Variants in PRDM5 observed in about 807,000 individuals in gnomAD.
The protein encoded by PRDM5 is PR domain zinc finger protein 5.
PRDM5 carries 56 observed loss-of-function variants against 81.2 expected under a neutral mutation model. The observed-to-expected ratio is 0.69, with a 90% CI of 0.56 to 0.86. The LOEUF is 0.86. Ranked by LOEUF, PRDM5 falls within the 40% of genes least tolerant of loss-of-function variation. PRDM5 has a pLI of 0.00. For missense variants in PRDM5, 697 were observed against 770.1 expected, an observed-to-expected ratio of 0.91 and a Z score of 1.12; for synonymous variants, 267 against 256.4, an observed-to-expected ratio of 1.04 and a Z score of -0.39.
intron 3 of PRDM5, among the ~76,000 whole-genome samples, chr4:120,832,436 G>T (rs996980723): frequency 1.3e-5 from 2 of 151,996 alleles, no homozygotes; most frequent in Admixed American, 6.6e-5. Flanking sequence ...GAGTTGGGTG[G>T]GAACACAGCC....
chr4:120,841,339 C>T lies in PRDM5; in HGVS notation c.300+12079G>A, dbSNP rs115821051. Among the ~76,000 whole-genome samples, 1,067 of 152,162 alleles carry T rather than the reference C, an allele frequency of 7.0e-3. 15 individuals carry two copies. The highest frequency in any genetic ancestry group is 0.024 in the African/African-American group (995 of 41,482). ...GAATGCAGAACTTCACATTTTACTT[C>T]GTATTGCTCAACAGTGGCTGAACCT... On this transcript the variant is annotated intron_variant, in intron 3 of 15. Transcript: ENST00000264808.
chr4:120,903,877 T>A lies in PRDM5; in HGVS notation c.177+3597A>T, dbSNP rs573336910. On this transcript the variant is annotated intron_variant, in intron 2 of 15. Transcript: ENST00000264808. ...TGATTGTGAGGCTGCCCCAGCCATA[T>A]GGAACTGTGAGACCATTAAACTTCC... 2.0e-5 allele frequency among the ~76,000 whole-genome samples: 3 copies of A among 152,240 alleles called. No homozygotes were observed. The South Asian group carries it at 6.2e-4, about 32-fold the overall frequency.
chr4:120,780,140 C>T (rs1202422190), intron 12 of PRDM5, among the ~76,000 whole-genome samples: 1 of 152,046 alleles, frequency 6.6e-6, no homozygotes, highest in Admixed American at 6.6e-5. Flanking sequence ...CAGAAAACTA[C>T]CATACTTCAT....
chr4:120,753,705 G>GAA lies in PRDM5; in HGVS notation c.1623+846_1623+847dup, dbSNP rs551796879. Among the ~76,000 whole-genome samples, 46 of 146,666 alleles carry GAA rather than the reference G, an allele frequency of 3.1e-4. No individual in the cohort carries two copies. In the East Asian group the frequency reaches 5.7e-3, roughly 18 times the overall value. On this transcript the variant is annotated intron_variant, in intron 14 of 15. Coordinates refer to ENST00000264808, the MANE Select transcript of PRDM5 (RefSeq NM_018699.4). ...GGATTAGATAAGTCTCTTAAAATTT[G>GAA]AAAAAAAAAATACATCATTTACATA...
At chr4:120,867,909 C>T (rs1035410979) in intron 2 of PRDM5, among the ~76,000 whole-genome samples, 1 of 152,158 alleles carries the variant, frequency 6.6e-6, no homozygotes, top group African/African-American at 2.4e-5. Flanking sequence ...CAAACTGGAC[C>T]CAACTTCACC....
At chr4:120,887,292 AG>A (rs55827337) in intron 2 of PRDM5, among the ~76,000 whole-genome samples, 20,436 of 151,978 alleles carry the variant, frequency 0.13, 1,463 homozygotes, top group South Asian at 0.2. Flanking sequence ...CATCAGTGTT[AG>A]TTACCTTCAA....
intron 3 of PRDM5, among the ~76,000 whole-genome samples, chr4:120,832,989 T>C (rs1756904231): frequency 6.6e-6 from 1 of 152,114 alleles, no homozygotes; most frequent in Non-Finnish European, 1.5e-5. Flanking sequence ...TTTACTACAG[T>C]ATATAATGTG....
rs114334834 is a variant in PRDM5, at chr4:120,827,244, C to A, written c.301-5899G>T. On this transcript the variant is annotated intron_variant, in intron 3 of 15. Coordinates refer to ENST00000264808, the MANE Select transcript of PRDM5 (RefSeq NM_018699.4). Reference sequence around the variant, plus strand: ...ATCAGACTGGTCATTTTGGTAACATCATATAATATGGAATTCAGATTTGCT... The same window carrying A: ...ATCAGACTGGTCATTTTGGTAACATAATATAATATGGAATTCAGATTTGCT... 3.1e-3 allele frequency among the ~76,000 whole-genome samples: 472 copies of A among 152,238 alleles called. 3 individuals carry two copies. Among genetic ancestry groups the A allele is most frequent in the African/African-American group, 0.011 (465 of 41,542 alleles).
intron 1 of PRDM5, among the ~76,000 whole-genome samples, chr4:120,909,738 T>C (rs1292468078): frequency 6.6e-6 from 1 of 152,100 alleles, no homozygotes; most frequent in Non-Finnish European, 1.5e-5. Flanking sequence ...GGAAGCCTGC[T>C]TGGATGCAGG....
chr4:120,761,475 T>C (rs778359735), intron 13 of PRDM5, among the ~76,000 whole-genome samples: 3 of 152,220 alleles, frequency 2.0e-5, no homozygotes, highest in Non-Finnish European at 4.4e-5. Flanking sequence ...ATGTTCCATA[T>C]AGATGGAATA....
In PRDM5 at chr4:120,699,204, A is replaced by T. The variant is rs113518768; in HGVS notation, c.1729-3929T>A. Among the ~76,000 whole-genome samples the T allele has an allele frequency of 7.6e-3, 581 of 76,858 alleles. 11 individuals carry two copies. The highest frequency in any genetic ancestry group is 0.046 in the East Asian group (31 of 676). The allele number at this position is 76,858 out of a possible 152,430, so 50.4% of individuals were successfully genotyped here. On this transcript the variant is annotated intron_variant, in intron 15 of 15. Transcript: ENST00000264808. ...TATATATATATATATATATATATAT[A>T]TTTCAGATGTCTCCTTAATAATTTC...
At chr4:120,718,845 G>A (rs974059494) in intron 14 of PRDM5, among the ~76,000 whole-genome samples, 4 of 152,140 alleles carry the variant, frequency 2.6e-5, no homozygotes, top group East Asian at 1.9e-4. Flanking sequence ...ACACTGACTT[G>A]TAAACAAAAA....
chr4:120,711,576 C>A (rs752031266), intron 14 of PRDM5, among the ~76,000 whole-genome samples: 1 of 151,746 alleles, frequency 6.6e-6, no homozygotes, highest in Non-Finnish European at 1.5e-5. Context: ...TCCCAAAGTG[C>A]TGAGATTACA....
chr4:120,744,847 G>C (rs931645815), intron 14 of PRDM5, among the ~76,000 whole-genome samples: 16 of 142,356 alleles, frequency 1.1e-4, no homozygotes, highest in South Asian at 7.3e-4. Flanking sequence ...AATTCTACCA[G>C]AGGTACAAGG....
chr4:120,800,641 C>T (rs973712846), intron 8 of PRDM5, among the ~76,000 whole-genome samples: 3 of 151,612 alleles, frequency 2.0e-5, no homozygotes, highest in East Asian at 1.9e-4. Context: ...ATGTATAACA[C>T]GAAGATTACA....
intron 4 of PRDM5, 88 bp from the exon 5 acceptor site, chr4:120,818,615 T>A: frequency 9.3e-7 from 1 of 1,072,108 alleles, no homozygotes; most frequent in Non-Finnish European, 1.4e-6. Context: ...ATTAATTAAT[T>A]AATTGTGCTT....
chr4:120,769,074 T>A (rs1746841143), intron 13 of PRDM5, among the ~76,000 whole-genome samples: 1 of 152,150 alleles, frequency 6.6e-6, no homozygotes, highest in Non-Finnish European at 1.5e-5. Context: ...GAAAAAATAA[T>A]TTTATGGTCA....
rs183663600 is a variant in PRDM5, at chr4:120,802,921, G to T, written c.946-3176C>A. ...ATCAAACTTCTCCGAGCTAAAGGAA[G>T]AAGTTCAAACCCATCGCAGAGAAGC... On this transcript the variant is annotated intron_variant, in intron 8 of 15. Coordinates refer to ENST00000264808, the MANE Select transcript of PRDM5 (RefSeq NM_018699.4). Among the ~76,000 whole-genome samples the T allele has an allele frequency of 4.7e-4, 71 of 152,304 alleles. No homozygotes were observed. In the East Asian group the frequency reaches 0.011, roughly 24 times the overall value.
chr4:120,711,405 T>G (rs928547632), intron 14 of PRDM5, among the ~76,000 whole-genome samples: 4 of 151,790 alleles, frequency 2.6e-5, no homozygotes, highest in Admixed American at 2.6e-4. Context: ...TTCAAGCAAT[T>G]CTCCTGCCTC....
Sources: gnomAD v4.1 joint callset for allele counts (sites outside exome capture counted in the v4.1 genomes callset) on GRCh38, gnomAD v4.1.1 for gene constraint, MANE v1.5 for transcripts, NCBI Gene and HGNC (gene_info 2026-07-23, HGNC 2026-07-21) for gene names.